The following CDH20 variants were observed in gnomAD, a reference collection of about 807,000 sequenced individuals.
CDH20 encodes the protein cadherin-20.
A neutral mutation model predicts 74.2 loss-of-function variants in CDH20; 29 were observed. The ratio of observed to expected loss-of-function variants is 0.39; its 90% CI spans 0.29 to 0.53. The LOEUF is 0.53. Ranked by LOEUF, CDH20 falls within the 20% of genes least tolerant of loss-of-function variation. The probability of loss-of-function intolerance (pLI) is 0.69; values close to 1 mark genes in which losing one functional copy is unlikely to be tolerated. For synonymous variants in CDH20, 469 were observed against 405.4 expected (o/e 1.16, Z -1.88); for missense variants, 988 against 1,048.3 (o/e 0.94, Z 0.79).
chr18:61,508,113 T>C (rs1228558079), intron 6 of CDH20, among the ~76,000 whole-genome samples: 1 of 152,236 alleles, frequency 6.6e-6, no homozygotes, highest in Non-Finnish European at 1.5e-5. Context: ...AAGCTATCAA[T>C]TCTTTCTGTG....
At chr18:61,349,396 T>C (rs1910232248) in intron 1 of CDH20, among the ~76,000 whole-genome samples, 1 of 152,202 alleles carries the variant, frequency 6.6e-6, no homozygotes, top group Non-Finnish European at 1.5e-5. Context: ...GAATATGTCT[T>C]CCCAGGTTGA....
chr18:61,392,171 TCCCAC>T (rs1911807187), intron 1 of CDH20, among the ~76,000 whole-genome samples: 1 of 149,720 alleles, frequency 6.7e-6, no homozygotes, highest in African/African-American at 2.5e-5. Flanking sequence ...TCAGTTCTGC[TCCCAC>T]CCCACCCCAC....
intron 5 of CDH20, among the ~76,000 whole-genome samples, chr18:61,506,307 G>C (rs1464509752): frequency 1.3e-5 from 2 of 152,134 alleles, no homozygotes; most frequent in Non-Finnish European, 2.9e-5. Context: ...CCAATTCCCT[G>C]CCAGCTTAGT....
At chr18:61,494,203 T>G (rs1285754049) in intron 2 of CDH20, among the ~76,000 whole-genome samples, 1 of 152,186 alleles carries the variant, frequency 6.6e-6, no homozygotes, top group Non-Finnish European at 1.5e-5. Context: ...AGCTTTCATT[T>G]ACATTGCCTT....
intron 1 of CDH20, among the ~76,000 whole-genome samples, chr18:61,483,411 T>A (rs1910657422): frequency 6.6e-6 from 1 of 152,176 alleles, no homozygotes; most frequent in Non-Finnish European, 1.5e-5. Context: ...TCACTGTTTG[T>A]TTCTTTGTAA....
intron 1 of CDH20, among the ~76,000 whole-genome samples, chr18:61,357,934 A>G (rs1910547035): frequency 6.6e-6 from 1 of 151,898 alleles, no homozygotes; most frequent in Non-Finnish European, 1.5e-5. Flanking sequence ...TGATTCTAGC[A>G]GTTGCTGTTC....
chr18:61,415,907 T>C (rs1177459017), intron 1 of CDH20, among the ~76,000 whole-genome samples: 1 of 152,164 alleles, frequency 6.6e-6, no homozygotes, highest in African/African-American at 2.4e-5. Flanking sequence ...AATATATTAT[T>C]CTTCAGCCTC....
chr18:61,498,052 T>C (rs983646196), intron 2 of CDH20, among the ~76,000 whole-genome samples: 1 of 152,202 alleles, frequency 6.6e-6, no homozygotes, highest in East Asian at 1.9e-4. Flanking sequence ...GAAATATGTT[T>C]ATAGGCCTGA....
intron 1 of CDH20, among the ~76,000 whole-genome samples, chr18:61,404,631 G>T (rs1599062147): frequency 6.6e-6 from 1 of 152,238 alleles, no homozygotes; most frequent in South Asian, 2.1e-4. Context: ...GATTTACCCA[G>T]CAATTTTAAA....
At chr18:61,543,521 G>A (rs1365531426) in intron 9 of CDH20, among the ~76,000 whole-genome samples, 2 of 18,908 alleles carry the variant, frequency 1.1e-4, no homozygotes, top group Non-Finnish European at 6.2e-4. Flanking sequence ...TTTACATCAT[G>A]GTCTCCACAG....
intron 1 of CDH20, among the ~76,000 whole-genome samples, chr18:61,423,270 A>T (rs1312490648): frequency 6.6e-6 from 1 of 152,196 alleles, no homozygotes. Context: ...CTGCCCTCTC[A>T]GGGTCTCTCT....
Position 61,521,346 on chromosome 18 carries a change from A to G in CDH20, c.1018-6621A>G, listed in dbSNP as rs1912200306. 2.0e-5 allele frequency among the ~76,000 whole-genome samples: 3 copies of G among 151,370 alleles called. No homozygotes were observed. The South Asian group carries it at 6.2e-4, about 31-fold the overall frequency. On this transcript the variant is annotated intron_variant, in intron 6 of 11. Transcript: ENST00000262717. ...CTAGAAGAAATGGATACATTCCTGG[A>G]CACATACACCCTCCCAAGACTAAAC... is the stretch of plus-strand genomic sequence containing the variant.
At chr18:61,460,460 G>A (rs1909727672) in intron 1 of CDH20, among the ~76,000 whole-genome samples, 1 of 152,148 alleles carries the variant, frequency 6.6e-6, no homozygotes, top group African/African-American at 2.4e-5. Flanking sequence ...TTTAACAGGA[G>A]GAGCAGCTCA....
intron 1 of CDH20, among the ~76,000 whole-genome samples, chr18:61,476,838 G>T (rs1333290898): frequency 6.6e-6 from 1 of 152,150 alleles, no homozygotes; most frequent in Non-Finnish European, 1.5e-5. Flanking sequence ...TGGGCCATTT[G>T]GGAATCTCTC....
intron 1 of CDH20, among the ~76,000 whole-genome samples, chr18:61,454,702 C>G (rs1451008850): frequency 6.6e-6 from 1 of 152,198 alleles, no homozygotes; most frequent in Non-Finnish European, 1.5e-5. Context: ...TTGTTTCACT[C>G]TCTTTTATTA....
At chr18:61,409,686 G>T (rs548030185) in intron 1 of CDH20, among the ~76,000 whole-genome samples, 1 of 152,198 alleles carries the variant, frequency 6.6e-6, no homozygotes. Context: ...AAAATTGCGC[G>T]TGAGGATGCC....
chr18:61,406,653 G>T (rs1026808677), intron 1 of CDH20, among the ~76,000 whole-genome samples: 1 of 152,248 alleles, frequency 6.6e-6, no homozygotes, highest in African/African-American at 2.4e-5. Context: ...CAGGGTGGTT[G>T]AGAAAGGTGT....
At chr18:61,404,968 C>A (rs1912282111) in intron 1 of CDH20, 1 of 710,340 alleles carries the variant, frequency 1.4e-6, no homozygotes. Context: ...GCGCCCAGTT[C>A]AATATTATTG....
At chr18:61,422,733 C>T (rs1912927021) in intron 1 of CDH20, among the ~76,000 whole-genome samples, 2 of 150,990 alleles carry the variant, frequency 1.3e-5, no homozygotes. Flanking sequence ...ACAAAAAATA[C>T]TTTTGTTAAA....
Sources: allele counts gnomAD v4.1 joint callset (sites outside exome capture counted in the v4.1 genomes callset), GRCh38; gene constraint gnomAD v4.1.1; transcripts MANE v1.5; gene names NCBI Gene and HGNC (gene_info 2026-07-23, HGNC 2026-07-21).